GRB14: variants seen among roughly 807,000 people sequenced by gnomAD.
GRB14 encodes growth factor receptor bound protein 14, also known as growth factor receptor-bound protein 14.
A neutral mutation model predicts 69.1 loss-of-function variants in GRB14; 38 were observed. That is an observed-to-expected ratio of 0.55 (90% CI 0.42 to 0.72). GRB14 has a LOEUF of 0.72. GRB14 is among the 30% of genes least tolerant of loss of function. The pLI is 0.00. For missense variants in GRB14, 666 were observed against 666.1 expected (o/e 1.00, Z 0.00); for synonymous variants, 247 against 241.3 (o/e 1.02, Z -0.22).
chr2:164,509,537 T>G (rs968366368), intron 6 of GRB14, among the ~76,000 whole-genome samples: 1 of 152,174 alleles, frequency 6.6e-6, no homozygotes, highest in African/African-American at 2.4e-5. Context: ...CTAGGTCATA[T>G]TATTCTGTGA....
At chr2:164,507,011 T>A (rs1427510765) in intron 8 of GRB14, among the ~76,000 whole-genome samples, 1 of 152,150 alleles carries the variant, frequency 6.6e-6, no homozygotes, top group Non-Finnish European at 1.5e-5. Context: ...TTGAGGTGAT[T>A]AAAATGTCTT....
intron 3 of GRB14, among the ~76,000 whole-genome samples, chr2:164,547,223 G>C (rs1688402905): frequency 6.6e-6 from 1 of 152,168 alleles, no homozygotes; most frequent in Non-Finnish European, 1.5e-5. Context: ...GAACCAGTTA[G>C]TGACCCCAGC....
chr2:164,504,588 T>C (rs1687142806), intron 8 of GRB14, among the ~76,000 whole-genome samples: 1 of 152,120 alleles, frequency 6.6e-6, no homozygotes, highest in Non-Finnish European at 1.5e-5. Flanking sequence ...CATGTCTCTT[T>C]CCTGTTTGGG....
rs575334751 is a variant in GRB14 at position 164,532,602 on chromosome 2, A to C, written c.482-5467T>G. Among the ~76,000 whole-genome samples the C allele has an allele frequency of 3.7e-4, 57 of 152,312 alleles. No individual in the cohort carries two copies. In the South Asian group the frequency reaches 0.012, roughly 32 times the overall value. ...TTAACACAGACAGAAGAGGAAAAGC[A>C]ATGTGATCAGGGAAGCAGAGGTTCA... On this transcript the variant is annotated intron_variant, in intron 3 of 13. Coordinates refer to ENST00000263915, the MANE Select transcript of GRB14 (RefSeq NM_004490.3).
intron 2 of GRB14, among the ~76,000 whole-genome samples, chr2:164,581,669 A>G (rs1392561317): frequency 6.6e-6 from 1 of 152,142 alleles, no homozygotes; most frequent in Non-Finnish European, 1.5e-5. Context: ...TGAGATAAAT[A>G]TGTGTTGTTT....
intron 2 of GRB14, among the ~76,000 whole-genome samples, chr2:164,600,699 A>T (rs1437243099): frequency 1.3e-5 from 2 of 152,222 alleles, no homozygotes; most frequent in African/African-American, 4.8e-5. Flanking sequence ...AAAGCATTAC[A>T]TGTAAAACAA....
At chr2:164,585,450 T>C (rs563759598) in intron 2 of GRB14, among the ~76,000 whole-genome samples, 12 of 152,268 alleles carry the variant, frequency 7.9e-5, no homozygotes, top group East Asian at 1.9e-4. Flanking sequence ...TGACAGGAAA[T>C]AGACTGAAAG....
Position 164,492,925 on chromosome 2 carries a change from G to A in GRB14, c.*111C>T. ...ACAAACTATTTTTTTGTAACTTGCA[G>A]GTGAAATACATTCTTTTCACATGGT... is the stretch of plus-strand genomic sequence containing the variant. On this transcript the variant is annotated 3_prime_UTR_variant, in exon 14 of 14. Coordinates refer to ENST00000263915, the MANE Select transcript of GRB14 (RefSeq NM_004490.3). 1 of 969,512 alleles carries A rather than the reference G, an allele frequency of 1.0e-6. No individual in the cohort carries two copies. Among genetic ancestry groups the A allele is most frequent in the Non-Finnish European group, 1.5e-6 (1 of 674,154 alleles). 60.1% of individuals were successfully genotyped at this position (969,512 alleles called of 1,614,324 possible).
intron 3 of GRB14, among the ~76,000 whole-genome samples, chr2:164,539,473 C>CA (rs1688177721): frequency 1.8e-5 from 1 of 56,646 alleles, no homozygotes; most frequent in Non-Finnish European, 3.9e-5. Flanking sequence ...GACTCCATCT[C>CA]GGAAAAAAAA....
chr2:164,621,210 C>T lies in GRB14; in HGVS notation c.100G>A (p.Gly34Ser), dbSNP rs1386786513. ...GCCGGCGCCAGGTCGTGGGCGTCGCCCCTCCCCTGGGCAGCGCCACACACC... is the reference window on the plus strand; with the variant it reads ...GCCGGCGCCAGGTCGTGGGCGTCGCTCCTCCCCTGGGCAGCGCCACACACC... ...AQVCGAAQGR[G>S]DAHDLAPAPW... Residue 34 changes from glycine (G) to serine (S), a missense_variant, in exon 1 of 14, where the codon GGC becomes AGC. Physicochemically the swap from Gly to Ser is moderately conservative, Grantham distance 56. Transcript: ENST00000263915. This position sits in a 1 kb window ranked among gnomAD's most constrained non-coding sequence, Gnocchi z 6.0. 8.0e-7 allele frequency: 1 copy of T among 1,246,006 alleles called. No individual in the cohort carries two copies. Among genetic ancestry groups the T allele is most frequent in the Non-Finnish European group, 1.0e-6 (1 of 991,384 alleles). The allele number at this position is 1,246,006 out of a possible 1,614,324, so 77.2% of individuals were successfully genotyped here. A position where few individuals can be genotyped will look rare whatever the true frequency, so the allele number is the denominator to read the frequency against.
intron 9 of GRB14, among the ~76,000 whole-genome samples, chr2:164,501,231 C>T (rs564305687): frequency 1.1e-4 from 17 of 152,078 alleles, no homozygotes; most frequent in African/African-American, 3.9e-4. Flanking sequence ...GTTAAAGTGA[C>T]GTAACTACAA....
intron 2 of GRB14, among the ~76,000 whole-genome samples, chr2:164,579,578 G>C (rs1294378986): frequency 6.6e-6 from 1 of 151,630 alleles, no homozygotes; most frequent in Non-Finnish European, 1.5e-5. Context: ...AAATTAACCT[G>C]ACCTGCACAT....
intron 11 of GRB14, 40 bp from the exon 12 acceptor site, chr2:164,497,135 GATGACTGCAATTTCATTAC>G: frequency 6.2e-7 from 1 of 1,600,326 alleles, no homozygotes; most frequent in Non-Finnish European, 8.6e-7. Context: ...CTTTGTTTGA[GATGACTGCAATTTCATTAC>G]ATGTCCTTTC....
At chr2:164,509,360 C>T (rs1056184313) in intron 6 of GRB14, among the ~76,000 whole-genome samples, 2 of 152,100 alleles carry the variant, frequency 1.3e-5, no homozygotes, top group Non-Finnish European at 1.5e-5. Context: ...CAGGAAGCAG[C>T]GACTCTAACT....
At chr2:164,538,765 C>T (rs1688151251) in intron 3 of GRB14, among the ~76,000 whole-genome samples, 1 of 152,272 alleles carries the variant, frequency 6.6e-6, no homozygotes, top group Middle Eastern at 3.4e-3. Flanking sequence ...TTATACAATT[C>T]ATGTTTTGTA....
chr2:164,544,305 G>T (rs1001159494), intron 3 of GRB14, among the ~76,000 whole-genome samples: 6 of 152,018 alleles, frequency 3.9e-5, no homozygotes, highest in Non-Finnish European at 8.8e-5. Flanking sequence ...CAAATAATTT[G>T]CAGTGTTCTC....
intron 12 of GRB14, among the ~76,000 whole-genome samples, chr2:164,495,484 A>T (rs1035905381): frequency 6.6e-6 from 1 of 152,242 alleles, no homozygotes; most frequent in Non-Finnish European, 1.5e-5. Flanking sequence ...TAGAAAAACA[A>T]GACATGGCCT....
chr2:164,621,321 G>A lies in GRB14; in HGVS notation c.-12C>T, dbSNP rs2105368230. The A allele has an allele frequency of 1.6e-6, 2 of 1,281,578 alleles. No homozygotes were observed. The highest frequency in any genetic ancestry group is 2.9e-5 in the East Asian group (1 of 34,902). 79.4% of individuals were successfully genotyped at this position (1,281,578 alleles called of 1,614,324 possible). On this transcript the variant is annotated 5_prime_UTR_variant, in exon 1 of 14. Coordinates refer to ENST00000263915, the MANE Select transcript of GRB14 (RefSeq NM_004490.3). The surrounding 1 kb of genome is among the most constrained non-coding windows in gnomAD (Gnocchi z 6.0). ...AGGGAAGTGGTCATTGTCGCCGGCC[G>A]GGGGGCTCGGGCGTCATGGGAGACT...
intron 2 of GRB14, among the ~76,000 whole-genome samples, chr2:164,565,292 A>ACACG (rs77194567): frequency 0.39 from 58,696 of 151,552 alleles, 13,767 homozygotes; most frequent in Non-Finnish European, 0.53. Context: ...ACACACACAC[A>ACACG]CACACACACA....
Sources: gnomAD v4.1 joint callset for allele counts (sites outside exome capture counted in the v4.1 genomes callset) on GRCh38, gnomAD v4.1.1 for gene constraint, Gnocchi (gnomAD v3.1) non-coding constraint, MANE v1.5 for transcripts, NCBI Gene and HGNC (gene_info 2026-07-23, HGNC 2026-07-21) for gene names.